RPS6KC1: variants seen among roughly 807,000 people sequenced by gnomAD.
RPS6KC1 encodes the protein ribosomal protein S6 kinase C1.
Under a neutral mutation model 103.8 loss-of-function variants are expected in RPS6KC1, and 54 were observed. That is an observed-to-expected ratio of 0.52 (90% CI 0.42 to 0.65). The LOEUF is 0.65. Among genes scored for constraint, RPS6KC1 ranks in the 30% least tolerant of loss-of-function variants. RPS6KC1 has a pLI of 0.00. For missense variants in RPS6KC1, 1,151 were observed against 1,253.8 expected, an observed-to-expected ratio of 0.92 and a Z score of 1.24; for synonymous variants, 439 against 438.7, an observed-to-expected ratio of 1.00 and a Z score of -0.01.
the RPS6KC1 span, among the ~76,000 whole-genome samples, chr1:213,556,244 G>C: frequency 2.0e-5 from 3 of 152,134 alleles, no homozygotes; most frequent in South Asian, 2.1e-4. Flanking sequence ...GGGAGGAATT[G>C]GAAGGGGAGG....
At chr1:213,633,460 T>G in the RPS6KC1 span, among the ~76,000 whole-genome samples, 16 of 152,066 alleles carry the variant, frequency 1.1e-4, no homozygotes, top group African/African-American at 3.4e-4. Context: ...GCTTCATAAG[T>G]GAAGGAGAAA....
At chr1:213,114,695 G>A (rs567076577) in intron 4 of RPS6KC1, among the ~76,000 whole-genome samples, 60 of 152,116 alleles carry the variant, frequency 3.9e-4, no homozygotes, top group African/African-American at 1.4e-3. Flanking sequence ...CTGTGGGTTT[G>A]TCATAGATAG....
the RPS6KC1 span, among the ~76,000 whole-genome samples, chr1:213,617,659 A>T: frequency 6.6e-6 from 1 of 152,204 alleles, no homozygotes; most frequent in African/African-American, 2.4e-5. Flanking sequence ...CTTGTGAGAG[A>T]TGAAAGTATG....
the RPS6KC1 span, among the ~76,000 whole-genome samples, chr1:213,750,412 CTG>C: frequency 6.6e-6 from 1 of 152,222 alleles, no homozygotes; most frequent in Non-Finnish European, 1.5e-5. Context: ...ATCTTTATCT[CTG>C]TTTGTTCTTG....
At chr1:213,765,554 G>A in the RPS6KC1 span, among the ~76,000 whole-genome samples, 6 of 152,138 alleles carry the variant, frequency 3.9e-5, no homozygotes, top group African/African-American at 1.2e-4. Flanking sequence ...TTTCATGACT[G>A]CATCTCTGGC....
At chr1:213,421,870 C>T in the RPS6KC1 span, among the ~76,000 whole-genome samples, 6 of 152,274 alleles carry the variant, frequency 3.9e-5, no homozygotes, top group Non-Finnish European at 8.8e-5. Context: ...CCTGGGTCCC[C>T]GTCTCCCTCT....
chr1:213,202,481 C>T (rs1250930136), intron 8 of RPS6KC1, among the ~76,000 whole-genome samples: 4 of 151,934 alleles, frequency 2.6e-5, no homozygotes, highest in Non-Finnish European at 4.4e-5. Context: ...GGTGTGGTGG[C>T]GGGTGCCTGT....
chr1:213,473,723 A>C, the RPS6KC1 span, among the ~76,000 whole-genome samples: 1 of 152,260 alleles, frequency 6.6e-6, no homozygotes, highest in Non-Finnish European at 1.5e-5. Flanking sequence ...AGGTTTGTGA[A>C]TACTACTTAG....
chr1:213,209,415 G>A (rs2093439020), intron 8 of RPS6KC1, among the ~76,000 whole-genome samples: 1 of 152,080 alleles, frequency 6.6e-6, no homozygotes, highest in African/African-American at 2.4e-5. Context: ...TGTAAAGGAG[G>A]CCAGGTGTGG....
chr1:213,493,107 TG>T, the RPS6KC1 span, among the ~76,000 whole-genome samples: 1 of 152,232 alleles, frequency 6.6e-6, no homozygotes, highest in Non-Finnish European at 1.5e-5. Flanking sequence ...TATGAGAGCC[TG>T]GTTCTGTAGG....
In RPS6KC1 at chr1:213,176,415, A is replaced by G; in HGVS notation, c.967A>G (p.Ser323Gly). The G allele has an allele frequency of 6.2e-7, 1 of 1,600,444 alleles. No homozygotes were observed. The highest frequency in any genetic ancestry group is 1.1e-5 in the South Asian group (1 of 89,570). ...CTTCCATTAGCCTCCAGGATCACTAAGTTCAAGGCCCCTTTGGAACCTAAG... is the reference window on the plus strand; with the variant it reads ...CTTCCATTAGCCTCCAGGATCACTAGGTTCAAGGCCCCTTTGGAACCTAAG... Reference protein sequence around the residue: ...DDVSQPPGSLSSRPLWNLRSP... With the variant: ...DDVSQPPGSLGSRPLWNLRSP... The change falls in exon 8 of 15, where the codon AGT becomes GGT. Residue 323 changes from serine to glycine, a missense_variant. Physicochemically the swap from Ser to Gly is moderately conservative, Grantham distance 56 (BLOSUM62 0). Coordinates refer to ENST00000366960, the MANE Select transcript of RPS6KC1 (RefSeq NM_012424.6).
chr1:213,784,055 A>T, the RPS6KC1 span, among the ~76,000 whole-genome samples: 25 of 152,302 alleles, frequency 1.6e-4, no homozygotes, highest in Admixed American at 7.8e-4. Context: ...TGCTGCTATC[A>T]TGAAATGTTT....
At chr1:213,362,898 G>A in the RPS6KC1 span, among the ~76,000 whole-genome samples, 4 of 152,196 alleles carry the variant, frequency 2.6e-5, no homozygotes, top group African/African-American at 9.7e-5. Flanking sequence ...GACTTGAACT[G>A]CAACATGGGC....
the RPS6KC1 span, among the ~76,000 whole-genome samples, chr1:213,646,778 T>TC: frequency 6.6e-6 from 1 of 151,758 alleles, no homozygotes; most frequent in Non-Finnish European, 1.5e-5. Context: ...AGGCATTGAA[T>TC]CCCCCTCAGC....
chr1:213,524,970 A>G, the RPS6KC1 span, among the ~76,000 whole-genome samples: 1 of 152,168 alleles, frequency 6.6e-6, no homozygotes, highest in Non-Finnish European at 1.5e-5. Flanking sequence ...GCCTTTTCTC[A>G]TTTGCAAAAT....
At chr1:213,292,838 T>C in the RPS6KC1 span, among the ~76,000 whole-genome samples, 2 of 152,082 alleles carry the variant, frequency 1.3e-5, no homozygotes, top group African/African-American at 2.4e-5. Flanking sequence ...GAATAACACC[T>C]CTCTGGCCAA....
the RPS6KC1 span, among the ~76,000 whole-genome samples, chr1:213,694,934 G>A: frequency 1.3e-5 from 2 of 152,190 alleles, no homozygotes; most frequent in Non-Finnish European, 2.9e-5. Flanking sequence ...TGGCAGCACA[G>A]ACAGTGGTGC....
the RPS6KC1 span, among the ~76,000 whole-genome samples, chr1:213,389,088 G>A: frequency 6.6e-6 from 1 of 151,906 alleles, no homozygotes; most frequent in Non-Finnish European, 1.5e-5. Context: ...GCAGTCAGTG[G>A]TTCTTAATGT....
the RPS6KC1 span, among the ~76,000 whole-genome samples, chr1:213,720,025 T>C: frequency 1.3e-5 from 2 of 152,126 alleles, no homozygotes; most frequent in East Asian, 1.9e-4. Flanking sequence ...CCCACACTTT[T>C]AGTAAAAAGG....
Sources: gnomAD v4.1 joint callset for allele counts (sites outside exome capture counted in the v4.1 genomes callset) on GRCh38, gnomAD v4.1.1 for gene constraint, MANE v1.5 for transcripts, NCBI Gene and HGNC (gene_info 2026-07-23, HGNC 2026-07-21) for gene names.